KLHL29: variants seen among roughly 807,000 people sequenced by gnomAD.
KLHL29 encodes kelch-like protein 29.
A neutral mutation model predicts 80.4 loss-of-function variants in KLHL29; 21 were observed. The observed-to-expected ratio is 0.26, with a 90% CI of 0.19 to 0.38. The LOEUF (loss-of-function observed/expected upper bound fraction) is 0.38. Among genes scored for constraint, KLHL29 ranks in the 10% least tolerant of loss-of-function variants. The pLI is 1.00. For synonymous variants in KLHL29, 511 were observed against 526.8 expected (o/e 0.97, Z 0.41); for missense variants, 867 against 1,223.9 (o/e 0.71, Z 4.35).
At position 23,647,323 on chromosome 2, in the gene KLHL29, G is replaced by A. The variant is rs567255857; in HGVS notation, c.940+4473G>A. Among the ~76,000 whole-genome samples the A allele has an allele frequency of 8.5e-5, 13 of 152,206 alleles. No homozygotes were observed. Among genetic ancestry groups the A allele is most frequent in the African/African-American group, 2.9e-4 (12 of 41,536 alleles). The stretch of plus-strand genomic sequence containing the variant: ...CTGGGAATGCATGATAAAGCTGTTC[G>A]CCCACACTCAGGCCAGAGGCACAGA... On this transcript the variant is annotated intron_variant, in intron 5 of 13. Transcript: ENST00000486442. The surrounding 1 kb of genome is among the most constrained non-coding windows in gnomAD (Gnocchi z 4.9).
rs993483154 is a variant in KLHL29, at chr2:23,457,893, A to G, written c.-153-17667A>G. On this transcript the variant is annotated intron_variant, in intron 1 of 13. Coordinates refer to ENST00000486442, the MANE Select transcript of KLHL29 (RefSeq NM_052920.2). The surrounding 1 kb of genome is among the most constrained non-coding windows in gnomAD (Gnocchi z 4.3). The stretch of plus-strand genomic sequence containing the variant: ...CCAGGCGTGGTGGCGGGCACCTGTA[A>G]TCCCAGCTACTCGGGAGGTTGAGGC... Among the ~76,000 whole-genome samples, 4 of 152,040 alleles carry G rather than the reference A, an allele frequency of 2.6e-5. No homozygotes were observed. The highest frequency in any genetic ancestry group is 2.6e-4 in the Admixed American group (4 of 15,262).
intron 1 of KLHL29, among the ~76,000 whole-genome samples, chr2:23,428,435 T>C (rs1663064459): frequency 6.6e-6 from 1 of 152,158 alleles, no homozygotes; most frequent in Non-Finnish European, 1.5e-5. Context: ...CATAATCACT[T>C]TACTATGCTT....
Position 23,457,787 on chromosome 2 carries a change from G to A in KLHL29, c.-153-17773G>A, listed in dbSNP as rs1664098006. 6.6e-6 allele frequency among the ~76,000 whole-genome samples: 1 copy of A among 152,168 alleles called. No homozygotes were observed. The highest frequency in any genetic ancestry group is 2.4e-5 in the African/African-American group (1 of 41,448). On this transcript the variant is annotated intron_variant, in intron 1 of 13. Transcript: ENST00000486442. This position sits in a 1 kb window ranked among gnomAD's most constrained non-coding sequence, Gnocchi z 4.3. Reference sequence around the variant, plus strand: ...CCAGCACTTTGGGAAGCCAAGGCAGGCAGATCACGAGGTCAGGAGATCGAG... The same window carrying A: ...CCAGCACTTTGGGAAGCCAAGGCAGACAGATCACGAGGTCAGGAGATCGAG...
At chr2:23,546,964 A>G (rs1709303) in intron 2 of KLHL29, among the ~76,000 whole-genome samples, 75,853 of 151,876 alleles carry the variant, frequency 0.5, 21,457 homozygotes, top group East Asian at 0.91. Context: ...GACTTGAGCC[A>G]TCTGGGAAGA....
intron 3 of KLHL29, among the ~76,000 whole-genome samples, chr2:23,633,481 C>CT (rs150273493): frequency 2.1e-3 from 316 of 148,438 alleles, no homozygotes; most frequent in African/African-American, 5.7e-3. Context: ...CTGTGTATCC[C>CT]TTTTTTTTTT....
At chr2:23,442,741 A>G (rs1162533552) in intron 1 of KLHL29, among the ~76,000 whole-genome samples, 1 of 152,168 alleles carries the variant, frequency 6.6e-6, no homozygotes, top group Non-Finnish European at 1.5e-5. Flanking sequence ...GCACATGTAC[A>G]ACCCCAGAGT....
rs139118969 is a variant in KLHL29, at chr2:23,429,484, G to A, written c.-154+43704G>A. On this transcript the variant is annotated intron_variant, in intron 1 of 13. Coordinates refer to ENST00000486442, the MANE Select transcript of KLHL29 (RefSeq NM_052920.2). Reference sequence around the variant, plus strand: ...GTTTGTGAAACAGGCTGGGCGCAGTGGCTCACTCCTGTAATCCCAGCACTT... The same window carrying A: ...GTTTGTGAAACAGGCTGGGCGCAGTAGCTCACTCCTGTAATCCCAGCACTT... Among the ~76,000 whole-genome samples the A allele has an allele frequency of 3.6e-3, 556 of 152,332 alleles. 4 individuals carry two copies. Among genetic ancestry groups the A allele is most frequent in the African/African-American group, 0.013 (534 of 41,568 alleles).
chr2:23,602,680 T>C (rs1668601738), intron 3 of KLHL29, among the ~76,000 whole-genome samples: 1 of 151,130 alleles, frequency 6.6e-6, no homozygotes, highest in African/African-American at 2.4e-5. Flanking sequence ...CTCGAACTCC[T>C]GGGCTCCAAG....
At position 23,636,065 on chromosome 2, in the gene KLHL29, A is replaced by C. The variant is rs553704487; in HGVS notation, c.286-3074A>C. Among the ~76,000 whole-genome samples the C allele has an allele frequency of 3.9e-5, 6 of 152,090 alleles. No individual in the cohort carries two copies. The South Asian group carries it at 1.2e-3, about 32-fold the overall frequency. On this transcript the variant is annotated intron_variant, in intron 3 of 13. Transcript: ENST00000486442. ...TAGCAGGAGCTGGGCTCAGAGCTGG[A>C]CCCACGGCCCTGAACATGGTCCCCT...
intron 3 of KLHL29, among the ~76,000 whole-genome samples, chr2:23,621,210 A>G (rs1291085601): frequency 6.6e-6 from 1 of 152,214 alleles, no homozygotes; most frequent in African/African-American, 2.4e-5. Context: ...GAGGAACTCT[A>G]CAGCAGAGCC....
At chr2:23,622,448 G>T (rs778514422) in intron 3 of KLHL29, among the ~76,000 whole-genome samples, 1 of 152,216 alleles carries the variant, frequency 6.6e-6, no homozygotes, top group African/African-American at 2.4e-5. Context: ...GATCTGATCT[G>T]CTGGAGAGCC....
chr2:23,669,807 G>A lies in KLHL29; in HGVS notation c.941-14592G>A, dbSNP rs981226190. 2.0e-5 allele frequency among the ~76,000 whole-genome samples: 3 copies of A among 152,176 alleles called. No individual in the cohort carries two copies. The highest frequency in any genetic ancestry group is 7.2e-5 in the African/African-American group (3 of 41,430). On this transcript the variant is annotated intron_variant, in intron 5 of 13. Transcript: ENST00000486442. The surrounding 1 kb of genome is among the most constrained non-coding windows in gnomAD (Gnocchi z 4.3). ...AGTACACAGGCCTGGCCCCGCCAGCGCAGGACAGCAACTCTTGGGTAACTG... is the reference window on the plus strand; with the variant it reads ...AGTACACAGGCCTGGCCCCGCCAGCACAGGACAGCAACTCTTGGGTAACTG...
chr2:23,483,554 C>T (rs1572349217), intron 2 of KLHL29, among the ~76,000 whole-genome samples: 2 of 152,170 alleles, frequency 1.3e-5, no homozygotes, highest in East Asian at 3.9e-4. Flanking sequence ...GACTCCTTGG[C>T]AACTCCCACT....
chr2:23,406,440 A>G (rs1041197293), intron 1 of KLHL29, among the ~76,000 whole-genome samples: 4 of 152,088 alleles, frequency 2.6e-5, no homozygotes, highest in Non-Finnish European at 4.4e-5. Context: ...AGTTGGGACC[A>G]TGTTGCACAT....
intron 1 of KLHL29, among the ~76,000 whole-genome samples, chr2:23,454,715 C>T (rs1663993629): frequency 6.6e-6 from 1 of 151,960 alleles, no homozygotes; most frequent in African/African-American, 2.4e-5. Context: ...GCTTGTAGTT[C>T]CTGTTTTTTG....
In KLHL29 at chr2:23,691,798, G is replaced by A. The variant is rs748195862; in HGVS notation, c.1204G>A (p.Ala402Thr). Residue 402 changes from alanine (A) to threonine (T), a missense_variant, in exon 7 of 14, where the codon GCC (alanine) becomes ACC (threonine). This residue lies in a region of KLHL29 where 443 missense variants were observed against 767.0 expected (regional missense o/e 0.58). Transcript: ENST00000486442. ...VYTGSLVIDS[A>T]NAKTLLEAAS... ...CACGGGCTCCCTGGTCATCGACTCG[G>A]CCAACGCCAAGACACTGCTGGAGGC... 3.9e-6 allele frequency: 6 copies of A among 1,551,686 alleles called. No individual in the cohort carries two copies. The South Asian group carries it at 7.1e-5, about 18-fold the overall frequency.
intron 3 of KLHL29, among the ~76,000 whole-genome samples, chr2:23,563,032 G>A (rs947334179): frequency 2.0e-5 from 3 of 152,228 alleles, no homozygotes; most frequent in Non-Finnish European, 2.9e-5. Context: ...CTGAGGCACA[G>A]CAAGGGCTCA....
intron 3 of KLHL29, among the ~76,000 whole-genome samples, chr2:23,608,769 A>G (rs1668788711): frequency 1.3e-5 from 2 of 152,188 alleles, no homozygotes; most frequent in Admixed American, 6.5e-5. Flanking sequence ...ACTCAATACA[A>G]ACCCCAACTC....
intron 5 of KLHL29, among the ~76,000 whole-genome samples, chr2:23,658,277 T>A (rs892954692): frequency 6.6e-6 from 1 of 152,096 alleles, no homozygotes; most frequent in Non-Finnish European, 1.5e-5. Flanking sequence ...TGCCTGAGCG[T>A]CATGGGCTTG....
Sources: allele counts gnomAD v4.1 joint callset (sites outside exome capture counted in the v4.1 genomes callset), GRCh38; gene constraint gnomAD v4.1.1; regional missense constraint gnomAD v4.1.1; non-coding constraint Gnocchi (gnomAD v3.1); transcripts MANE v1.5; gene names NCBI Gene and HGNC (gene_info 2026-07-23, HGNC 2026-07-21).